Variants in PTAFR observed in about 807,000 individuals in gnomAD.
The protein encoded by PTAFR is platelet activating factor receptor.
Under a neutral mutation model 14.7 loss-of-function variants are expected in PTAFR, and 8 were observed. The ratio of observed to expected loss-of-function variants is 0.54; its 90% CI spans 0.32 to 0.98. The LOEUF is 0.98. Among genes scored for constraint, PTAFR ranks in the 50% least tolerant of loss-of-function variants. The probability of loss-of-function intolerance (pLI) is 0.04; values close to 1 mark genes in which losing one functional copy is unlikely to be tolerated. For synonymous variants in PTAFR, 156 were observed against 176.5 expected (o/e 0.88, Z 0.92); for missense variants, 337 against 451.2 (o/e 0.75, Z 2.29).
intron 1 of PTAFR, among the ~76,000 whole-genome samples, chr1:28,193,241 T>C (rs1646670390): frequency 6.6e-6 from 1 of 151,830 alleles, no homozygotes; most frequent in Non-Finnish European, 1.5e-5. Flanking sequence ...TTGCAGTGAG[T>C]GGGTGGAGGG....
At chr1:28,172,407 C>G (rs532114589) in intron 1 of PTAFR, among the ~76,000 whole-genome samples, 11 of 152,260 alleles carry the variant, frequency 7.2e-5, no homozygotes, top group Middle Eastern at 3.4e-3. Context: ...TCCAGGACCC[C>G]GTCCAGGGAA....
At chr1:28,174,574 G>A (rs1311673549) in intron 1 of PTAFR, among the ~76,000 whole-genome samples, 1 of 152,148 alleles carries the variant, frequency 6.6e-6, no homozygotes, top group Non-Finnish European at 1.5e-5. Flanking sequence ...AGATGAGAAA[G>A]GATTTTCCCA....
chr1:28,186,123 G>A (rs1646604138), intron 1 of PTAFR, among the ~76,000 whole-genome samples: 1 of 152,030 alleles, frequency 6.6e-6, no homozygotes, highest in Admixed American at 6.6e-5. Context: ...GACTACAGGT[G>A]CACACCACAT....
chr1:28,151,159 T>C, intron 1 of PTAFR, 100 bp from the exon 2 acceptor site: 1 of 670,828 alleles, frequency 1.5e-6, no homozygotes, highest in Non-Finnish European at 2.5e-6. Flanking sequence ...AATGATGATG[T>C]CCCCTCAGAA....
chr1:28,182,096 G>A (rs147377022), intron 1 of PTAFR, among the ~76,000 whole-genome samples: 2,678 of 152,256 alleles, frequency 0.018, 80 homozygotes, highest in African/African-American at 0.062. Context: ...AGCACTTTGG[G>A]AGGCCGAGGT....
chr1:28,169,999 CAAA>C (rs55770214), intron 1 of PTAFR, among the ~76,000 whole-genome samples: 9 of 122,976 alleles, frequency 7.3e-5, no homozygotes, highest in East Asian at 2.6e-4. Context: ...GACTCCATCT[CAAA>C]AAAAAAAAAA....
intron 1 of PTAFR, among the ~76,000 whole-genome samples, chr1:28,159,141 T>G (rs1028730380): frequency 1.3e-5 from 2 of 152,074 alleles, no homozygotes; most frequent in African/African-American, 2.4e-5. Flanking sequence ...AGGAACAGCA[T>G]GAGGGCAGGG....
intron 1 of PTAFR, among the ~76,000 whole-genome samples, chr1:28,169,876 T>C (rs1282292926): frequency 2.0e-5 from 3 of 152,064 alleles, no homozygotes; most frequent in African/African-American, 4.8e-5. Context: ...GGTGCATGCC[T>C]GTAATCCCAG....
At chr1:28,175,954 C>G (rs1646508479) in intron 1 of PTAFR, among the ~76,000 whole-genome samples, 1 of 152,024 alleles carries the variant, frequency 6.6e-6, no homozygotes, top group African/African-American at 2.4e-5. Flanking sequence ...TCACCACCTC[C>G]CAGTAGGGTC....
At chr1:28,157,633 T>TA (rs1557687208) in intron 1 of PTAFR, among the ~76,000 whole-genome samples, 2 of 149,774 alleles carry the variant, frequency 1.3e-5, no homozygotes, top group Non-Finnish European at 3.0e-5. Context: ...AATTTTGATT[T>TA]TTTTTTTTTT....
At chr1:28,175,372 C>T (rs962200768) in intron 1 of PTAFR, among the ~76,000 whole-genome samples, 5 of 152,010 alleles carry the variant, frequency 3.3e-5, no homozygotes, top group South Asian at 2.1e-4. Context: ...CTTTCTCCGG[C>T]GGTTTGTCAG....
At chr1:28,192,056 G>T (rs1218127005) in intron 1 of PTAFR, among the ~76,000 whole-genome samples, 2 of 151,496 alleles carry the variant, frequency 1.3e-5, no homozygotes, top group Non-Finnish European at 2.9e-5. Context: ...CTGGATGACA[G>T]AGTGAGATTG....
In PTAFR at chr1:28,152,615, C is replaced by T. The variant is rs984452842; in HGVS notation, c.-38-1556G>A. 2.0e-5 allele frequency among the ~76,000 whole-genome samples: 3 copies of T among 152,040 alleles called. No homozygotes were observed. In the South Asian group the frequency reaches 6.2e-4, roughly 32 times the overall value. The stretch of plus-strand genomic sequence containing the variant: ...AAAATTAGCTGGGCGTGGTGGCAGG[C>T]GCCTGTAATCCCAGCTACTTGGGAG... On this transcript the variant is annotated intron_variant, in intron 1 of 1. Transcript: ENST00000373857.
At chr1:28,173,986 A>G (rs1172290784) in intron 1 of PTAFR, among the ~76,000 whole-genome samples, 1 of 152,164 alleles carries the variant, frequency 6.6e-6, no homozygotes, top group Non-Finnish European at 1.5e-5. Flanking sequence ...GGCCACATGC[A>G]GCCCGGATAT....
At chr1:28,162,465 T>C (rs1646335322) in intron 1 of PTAFR, among the ~76,000 whole-genome samples, 1 of 152,134 alleles carries the variant, frequency 6.6e-6, no homozygotes, top group Admixed American at 6.6e-5. Context: ...ACGAGCAGCA[T>C]TGGCACCACC....
chr1:28,193,284 A>T (rs2149010966), intron 1 of PTAFR, among the ~76,000 whole-genome samples: 1 of 151,350 alleles, frequency 6.6e-6, no homozygotes, highest in East Asian at 2.0e-4. Context: ...CTGTCAGTGC[A>T]GTTGTGCATG....
chr1:28,181,473 G>A (rs115553463), upstream of PTAFR, among the ~76,000 whole-genome samples: 550 of 152,248 alleles, frequency 3.6e-3, 1 homozygote, highest in Middle Eastern at 0.054. Context: ...CTAGCCGGGC[G>A]CGGTGGCTCA....
chr1:28,178,876 C>CAGGCT (rs1470652515), upstream of PTAFR, among the ~76,000 whole-genome samples: 2 of 152,090 alleles, frequency 1.3e-5, no homozygotes, highest in African/African-American at 2.4e-5. Context: ...CCATGTCCTG[C>CAGGCT]CAGGGACACT....
intron 1 of PTAFR, among the ~76,000 whole-genome samples, chr1:28,168,905 C>T (rs1258084877): frequency 2.0e-4 from 30 of 151,832 alleles, no homozygotes; most frequent in African/African-American, 6.5e-4. Flanking sequence ...TGACCTCAAG[C>T]GATCCACCCT....
Sources: allele counts gnomAD v4.1 joint callset (sites outside exome capture counted in the v4.1 genomes callset), GRCh38; gene constraint gnomAD v4.1.1; transcripts MANE v1.5; gene names NCBI Gene and HGNC (gene_info 2026-07-23, HGNC 2026-07-21).